Variants in PDE4B observed in about 807,000 individuals in gnomAD.
The protein encoded by PDE4B is phosphodiesterase 4B, also known as 3',5'-cyclic-AMP phosphodiesterase 4B.
PDE4B carries 20 observed loss-of-function variants against 82.2 expected under a neutral mutation model. The ratio of observed to expected loss-of-function variants is 0.24; its 90% CI spans 0.17 to 0.35. The LOEUF (loss-of-function observed/expected upper bound fraction) is 0.35, where lower values mean the gene tolerates loss of function less well. PDE4B is among the 10% of genes least tolerant of loss of function. The pLI is 1.00. For synonymous variants in PDE4B, 320 were observed against 318.9 expected (o/e 1.00, Z -0.04); for missense variants, 655 against 907.2 (o/e 0.72, Z 3.57).
At chr1:66,005,019 GAAAGAT>G (rs1188113672) in intron 3 of PDE4B, among the ~76,000 whole-genome samples, 1 of 151,952 alleles carries the variant, frequency 6.6e-6, no homozygotes, top group Non-Finnish European at 1.5e-5. Flanking sequence ...CATGGGAAAA[GAAAGAT>G]AAAGATTACT....
chr1:66,187,245 C>G (rs915745052), intron 3 of PDE4B, among the ~76,000 whole-genome samples: 2 of 151,842 alleles, frequency 1.3e-5, no homozygotes, highest in East Asian at 1.9e-4. Flanking sequence ...CAGTATTTTA[C>G]TGAGGATTTT....
chr1:66,200,857 C>A (rs146378479), intron 3 of PDE4B, among the ~76,000 whole-genome samples: 6,010 of 152,176 alleles, frequency 0.039, 230 homozygotes, highest in African/African-American at 0.1. Flanking sequence ...TACCTAATTG[C>A]CCTGGCCAGA....
intron 7 of PDE4B, among the ~76,000 whole-genome samples, chr1:66,320,771 G>T (rs912181677): frequency 6.6e-6 from 1 of 152,146 alleles, no homozygotes; most frequent in African/African-American, 2.4e-5. Flanking sequence ...AATGAAATAT[G>T]GTCATTTGGA....
At chr1:65,908,878 T>G (rs1282444741) in intron 1 of PDE4B, among the ~76,000 whole-genome samples, 5 of 152,186 alleles carry the variant, frequency 3.3e-5, no homozygotes, top group Non-Finnish European at 5.9e-5. Context: ...AAATGCTTAG[T>G]TAAGTAAGAA....
intron 3 of PDE4B, among the ~76,000 whole-genome samples, chr1:66,144,218 G>A (rs893460657): frequency 1.3e-5 from 2 of 152,142 alleles, no homozygotes; most frequent in Non-Finnish European, 2.9e-5. Context: ...TTGAAGAACT[G>A]CACGTTATTA....
At chr1:66,243,797 G>A (rs770910050) in intron 3 of PDE4B, among the ~76,000 whole-genome samples, 5 of 152,144 alleles carry the variant, frequency 3.3e-5, no homozygotes, top group Non-Finnish European at 7.3e-5. Flanking sequence ...ATTCAGTCCA[G>A]GGATATTGGC....
chr1:65,919,762 T>C (rs1023037710), intron 3 of PDE4B, among the ~76,000 whole-genome samples: 1 of 152,194 alleles, frequency 6.6e-6, no homozygotes, highest in South Asian at 2.1e-4. Context: ...CTCTGCCACA[T>C]GCTGAGCTCT....
intron 3 of PDE4B, among the ~76,000 whole-genome samples, chr1:66,214,490 T>A (rs1256558970): frequency 2.0e-5 from 3 of 152,176 alleles, no homozygotes; most frequent in Non-Finnish European, 4.4e-5. Context: ...CATATATTAT[T>A]GCATCAATTC....
intron 3 of PDE4B, chr1:66,048,836 C>T (rs145805213): frequency 1.1e-3 from 161 of 152,070 alleles, no homozygotes; most frequent in African/African-American, 3.7e-3. Context: ...TCAGAGGACA[C>T]ACAAGAAGTC....
intron 8 of PDE4B, among the ~76,000 whole-genome samples, chr1:66,334,764 T>G (rs1660380179): frequency 6.6e-6 from 1 of 152,240 alleles, no homozygotes; most frequent in Admixed American, 6.5e-5. Flanking sequence ...ATTCAGATAA[T>G]TGTCTCAGGT....
intron 3 of PDE4B, among the ~76,000 whole-genome samples, chr1:66,143,395 G>A (rs757180962): frequency 3.9e-5 from 6 of 152,152 alleles, no homozygotes; most frequent in Non-Finnish European, 8.8e-5. Context: ...TGGATCAGGC[G>A]TTACATCTGG....
At chr1:66,147,952 A>G (rs13374336) in intron 3 of PDE4B, among the ~76,000 whole-genome samples, 1,535 of 152,254 alleles carry the variant, frequency 0.01, 30 homozygotes, top group African/African-American at 0.034. Flanking sequence ...TTGGGGCATC[A>G]CTATTTCATC....
At chr1:66,118,366 A>G (rs1386689079) in intron 3 of PDE4B, among the ~76,000 whole-genome samples, 1 of 152,230 alleles carries the variant, frequency 6.6e-6, no homozygotes, top group Non-Finnish European at 1.5e-5. Context: ...TGTGGCACAT[A>G]TACACCATGG....
At chr1:65,995,602 A>G (rs949027660) in intron 3 of PDE4B, among the ~76,000 whole-genome samples, 5 of 152,180 alleles carry the variant, frequency 3.3e-5, no homozygotes, top group Admixed American at 2.0e-4. Flanking sequence ...GAGTTTCCAA[A>G]AAATTTCATG....
At chr1:66,245,242 A>G (rs972971505) in intron 3 of PDE4B, among the ~76,000 whole-genome samples, 4 of 152,202 alleles carry the variant, frequency 2.6e-5, no homozygotes, top group Admixed American at 6.5e-5. Flanking sequence ...GGGGCAGTGG[A>G]TGGATGCTAA....
intron 7 of PDE4B, among the ~76,000 whole-genome samples, chr1:66,303,377 A>C (rs1658048230): frequency 6.6e-6 from 1 of 151,904 alleles, no homozygotes; most frequent in Non-Finnish European, 1.5e-5. Flanking sequence ...ATATACACAC[A>C]CACAGTGAAA....
At chr1:66,185,623 G>A (rs1330634285) in intron 3 of PDE4B, among the ~76,000 whole-genome samples, 1 of 152,100 alleles carries the variant, frequency 6.6e-6, no homozygotes, top group South Asian at 2.1e-4. Flanking sequence ...GTGTTTTTTG[G>A]CTGCATAAAT....
intron 1 of PDE4B, among the ~76,000 whole-genome samples, chr1:65,893,163 T>C (rs971841258): frequency 1.3e-5 from 2 of 152,074 alleles, no homozygotes; most frequent in Non-Finnish European, 2.9e-5. Context: ...GACTCATGGT[T>C]ATTGTCTACT....
intron 3 of PDE4B, among the ~76,000 whole-genome samples, chr1:65,955,188 T>A (rs937158533): frequency 1.3e-5 from 2 of 152,104 alleles, no homozygotes; most frequent in Non-Finnish European, 2.9e-5. Flanking sequence ...TCCTTCCCTG[T>A]ACCCTGGAGC....
Sources: gnomAD v4.1 joint callset for allele counts (sites outside exome capture counted in the v4.1 genomes callset) on GRCh38, gnomAD v4.1.1 for gene constraint, MANE v1.5 for transcripts, NCBI Gene and HGNC (gene_info 2026-07-23, HGNC 2026-07-21) for gene names.